Variants in GAB2 observed in about 807,000 individuals in gnomAD.
GAB2 encodes the protein GRB2-associated-binding protein 2.
A neutral mutation model predicts 65.5 loss-of-function variants in GAB2; 26 were observed. The observed-to-expected ratio is 0.40, with a 90% CI of 0.29 to 0.55. The LOEUF (loss-of-function observed/expected upper bound fraction) is 0.55. Ranked by LOEUF, GAB2 falls within the 20% of genes least tolerant of loss-of-function variation. The pLI is 0.53. For synonymous variants in GAB2, 321 were observed against 329.6 expected (o/e 0.97, Z 0.28); for missense variants, 884 against 875.8 (o/e 1.01, Z -0.12).
At chr11:78,321,145 C>T (rs1855716128) in intron 1 of GAB2, among the ~76,000 whole-genome samples, 1 of 152,092 alleles carries the variant, frequency 6.6e-6, no homozygotes, top group African/African-American at 2.4e-5. Flanking sequence ...TGGATGTCAT[C>T]AGCATATAGG....
intron 8 of GAB2, among the ~76,000 whole-genome samples, chr11:78,220,776 G>A (rs1864385184): frequency 6.6e-6 from 1 of 152,172 alleles, no homozygotes; most frequent in Admixed American, 6.5e-5. Context: ...GTACCACACT[G>A]CCTCCTTTCT....
chr11:78,330,353 C>T (rs569707396), intron 1 of GAB2, among the ~76,000 whole-genome samples: 1 of 152,292 alleles, frequency 6.6e-6, no homozygotes, highest in South Asian at 2.1e-4. Context: ...GAGTGACAAA[C>T]AGCAGGTCTC....
At chr11:78,295,351 T>A (rs1866797322) in intron 1 of GAB2, among the ~76,000 whole-genome samples, 1 of 152,196 alleles carries the variant, frequency 6.6e-6, no homozygotes, top group Non-Finnish European at 1.5e-5. Flanking sequence ...CCGAACCAGT[T>A]TGCTACCACC....
At position 78,282,609 on chromosome 11, in the gene GAB2, G is replaced by A. The variant is rs191799331; in HGVS notation, c.76-1708C>T. Among the ~76,000 whole-genome samples, 589 of 152,066 alleles carry A rather than the reference G, an allele frequency of 3.9e-3. 4 individuals carry two copies. Among genetic ancestry groups the A allele is most frequent in the Non-Finnish European group, 6.8e-3 (460 of 67,966 alleles). Reference sequence around the variant, plus strand: ...CAAGTGTGAGCCACTGTGTACGCCCGGCACTGTGTGATTTTTGATTAAGTC... The same window carrying A: ...CAAGTGTGAGCCACTGTGTACGCCCAGCACTGTGTGATTTTTGATTAAGTC... On this transcript the variant is annotated intron_variant, in intron 1 of 9. Coordinates refer to ENST00000361507, the MANE Select transcript of GAB2 (RefSeq NM_080491.3).
intron 1 of GAB2, among the ~76,000 whole-genome samples, chr11:78,384,376 T>C (rs1856738827): frequency 6.6e-6 from 1 of 152,132 alleles, no homozygotes; most frequent in Non-Finnish European, 1.5e-5. Flanking sequence ...GAGCTTCCAT[T>C]ATCATGAAGC....
At chr11:78,353,304 G>A (rs1449814886) in intron 1 of GAB2, among the ~76,000 whole-genome samples, 3 of 152,198 alleles carry the variant, frequency 2.0e-5, no homozygotes, top group Non-Finnish European at 2.9e-5. Flanking sequence ...AGCTGGGCAT[G>A]GTGGTGTGTA....
rs144114346 is a variant in GAB2 at position 78,269,483 on chromosome 11, C to T, written c.376+11118G>A. Among the ~76,000 whole-genome samples the T allele has an allele frequency of 4.5e-3, 691 of 152,230 alleles. 4 individuals carry two copies. Among genetic ancestry groups the T allele is most frequent in the African/African-American group, 0.016 (669 of 41,538 alleles). On this transcript the variant is annotated intron_variant, in intron 2 of 9. Coordinates refer to ENST00000361507, the MANE Select transcript of GAB2 (RefSeq NM_080491.3). The stretch of plus-strand genomic sequence containing the variant: ...AATCTGAATGGACTACTTGGCTCTA[C>T]CACAGTTCTCCCTGCTGTAAGAAAT...
intron 1 of GAB2, among the ~76,000 whole-genome samples, chr11:78,369,475 T>C (rs555001969): frequency 6.6e-6 from 1 of 152,320 alleles, no homozygotes; most frequent in East Asian, 1.9e-4. Flanking sequence ...GATGTGAAAC[T>C]TGCATCCCTT....
At chr11:78,333,482 A>G (rs1855949257) in intron 1 of GAB2, among the ~76,000 whole-genome samples, 2 of 152,110 alleles carry the variant, frequency 1.3e-5, no homozygotes, top group African/African-American at 4.8e-5. Context: ...TACCCAGGCT[A>G]GTCTCAAACT....
intron 1 of GAB2, among the ~76,000 whole-genome samples, chr11:78,416,542 C>T (rs1371234000): frequency 6.6e-6 from 1 of 152,172 alleles, no homozygotes; most frequent in African/African-American, 2.4e-5. Flanking sequence ...CTGGAGGCAA[C>T]GGCTCCCTTC....
chr11:78,220,611 G>A (rs1416492348), intron 8 of GAB2, among the ~76,000 whole-genome samples, 167 bp from the exon 9 acceptor site: 1 of 152,192 alleles, frequency 6.6e-6, no homozygotes, highest in Non-Finnish European at 1.5e-5. Flanking sequence ...TGACAATCCT[G>A]TAAGGTAGGT....
intron 1 of GAB2, among the ~76,000 whole-genome samples, chr11:78,375,629 A>G (rs568103783): frequency 3.8e-4 from 58 of 152,348 alleles, no homozygotes; most frequent in African/African-American, 1.3e-3. Context: ...ACTGAGTTTT[A>G]GATCCCATTC....
chr11:78,225,672 C>T (rs757293160), intron 4 of GAB2, among the ~76,000 whole-genome samples: 6 of 152,318 alleles, frequency 3.9e-5, no homozygotes, highest in African/African-American at 1.2e-4. Flanking sequence ...GATTGAAAGA[C>T]GGCAAAGAGG....
At chr11:78,243,360 C>G (rs542275999) in intron 3 of GAB2, among the ~76,000 whole-genome samples, 1 of 151,384 alleles carries the variant, frequency 6.6e-6, no homozygotes, top group African/African-American at 2.4e-5. Flanking sequence ...CCCAGCTACC[C>G]GGGAGGCTGA....
intron 1 of GAB2, among the ~76,000 whole-genome samples, chr11:78,307,132 C>T (rs1214931061): frequency 6.6e-6 from 1 of 152,162 alleles, no homozygotes; most frequent in African/African-American, 2.4e-5. Flanking sequence ...TATGTGAACT[C>T]ATAACCTTGA....
chr11:78,348,235 G>C (rs1447495110), intron 1 of GAB2, among the ~76,000 whole-genome samples: 1 of 152,104 alleles, frequency 6.6e-6, no homozygotes, highest in Admixed American at 6.6e-5. Context: ...TTACTGAAAA[G>C]AATCCAAGTA....
intron 1 of GAB2, among the ~76,000 whole-genome samples, chr11:78,309,516 C>G (rs1439782538): frequency 2.1e-5 from 3 of 146,242 alleles, no homozygotes; most frequent in Non-Finnish European, 4.5e-5. Context: ...GTCGCTCAGG[C>G]TGGAGTACAG....
At chr11:78,284,376 C>T (rs750755255) in intron 1 of GAB2, among the ~76,000 whole-genome samples, 2 of 152,230 alleles carry the variant, frequency 1.3e-5, no homozygotes, top group Non-Finnish European at 2.9e-5. Flanking sequence ...CTTCTCCGCT[C>T]ACCATCTGCA....
At chr11:78,254,747 T>A (rs912468874) in intron 2 of GAB2, among the ~76,000 whole-genome samples, 5 of 151,672 alleles carry the variant, frequency 3.3e-5, no homozygotes, top group Admixed American at 3.3e-4. Context: ...TGCAGTGGGC[T>A]ATGATCGCGC....
Sources: allele counts gnomAD v4.1 joint callset (sites outside exome capture counted in the v4.1 genomes callset), GRCh38; gene constraint gnomAD v4.1.1; transcripts MANE v1.5; gene names NCBI Gene and HGNC (gene_info 2026-07-23, HGNC 2026-07-21).